Variants in KLK9 observed in about 807,000 individuals in gnomAD.
KLK9 encodes the protein kallikrein related peptidase 9, also known as kallikrein-9.
In KLK9, 26 loss-of-function variants were observed where a neutral mutation model predicts 23.3. The ratio of observed to expected loss-of-function variants is 1.12; its 90% CI spans 0.82 to 1.55. KLK9 has a LOEUF of 1.55. KLK9 is among the 40% of genes most tolerant of loss of function. The pLI, the probability that KLK9 is intolerant of heterozygous loss-of-function variation, is 0.00. For synonymous variants in KLK9, 122 were observed against 128.5 expected (o/e 0.95, Z 0.34); for missense variants, 346 against 333.7 (o/e 1.04, Z -0.29).
chr19:51,006,027 G>A lies in KLK9; in HGVS notation c.466+431C>T, dbSNP rs752453188. Among the ~76,000 whole-genome samples the A allele has an allele frequency of 9.2e-5, 14 of 151,768 alleles. No individual in the cohort carries two copies. The highest frequency in any genetic ancestry group is 1.6e-4 in the Non-Finnish European group (11 of 67,890). On this transcript the variant is annotated intron_variant, in intron 3 of 4. Coordinates refer to ENST00000594211, the MANE Select transcript of KLK9 (RefSeq NM_012315.2). This position sits in a 1 kb window ranked among gnomAD's most constrained non-coding sequence, Gnocchi z 4.1. ...TAATCCCAGCTACTTGGGAGGTTGA[G>A]GCGAGAGGATCACTTGAGCCCAGGA...
At chr19:51,004,329 A>T (rs2091247252) in intron 3 of KLK9, among the ~76,000 whole-genome samples, 1 of 104,396 alleles carries the variant, frequency 9.6e-6, no homozygotes, top group Non-Finnish European at 1.8e-5. Flanking sequence ...ACAGAGCAAG[A>T]CTCCGTCTCA....
At position 51,009,053 on chromosome 19, in the gene KLK9, T is replaced by C; in HGVS notation, c.200+130A>G. On this transcript the variant is annotated intron_variant, in intron 2 of 4. Transcript: ENST00000594211. The surrounding 1 kb of genome is among the most constrained non-coding windows in gnomAD (Gnocchi z 4.8). ...ATTTTAGGATTTGGGAGGCTACCCTTCCTACTTCTAAGAGTTGAACTTGTG... is the reference window on the plus strand; with the variant it reads ...ATTTTAGGATTTGGGAGGCTACCCTCCCTACTTCTAAGAGTTGAACTTGTG... The C allele has an allele frequency of 9.6e-7, 1 of 1,046,214 alleles. No homozygotes were observed. The highest frequency in any genetic ancestry group is 1.3e-6 in the Non-Finnish European group (1 of 751,774). The allele number at this position is 1,046,214 out of a possible 1,614,324, so 64.8% of individuals were successfully genotyped here.
At position 51,003,233 on chromosome 19, in the gene KLK9, T is replaced by G; in HGVS notation, c.631A>C (p.Asn211His). ...GACACCACGCCTGCCAAGGTTCCATTGCAAACCAGGGGGCCCCCAGAGTCA... is the reference window on the plus strand; with the variant it reads ...GACACCACGCCTGCCAAGGTTCCATGGCAAACCAGGGGGCCCCCAGAGTCA... The part of the protein sequence containing the change: ...QGDSGGPLVC[N>H]GTLAGVVSGG... Residue 211 changes from asparagine to histidine, a missense_variant, in exon 5 of 5, where the codon AAT becomes CAT. Asn to His is a moderately conservative substitution (Grantham distance 68). Coordinates refer to ENST00000594211, the MANE Select transcript of KLK9 (RefSeq NM_012315.2). 1 of 1,612,968 alleles carries G rather than the reference T, an allele frequency of 6.2e-7. No homozygotes were observed. Among genetic ancestry groups the G allele is most frequent in the Non-Finnish European group, 8.5e-7 (1 of 1,179,642 alleles).
Position 51,009,417 on chromosome 19 carries a change from AG to A in KLK9, c.44-79del, listed in dbSNP as rs1383218172. 216 of 1,550,134 alleles carry A rather than the reference AG, an allele frequency of 1.4e-4. No individual in the cohort carries two copies. The highest frequency in any genetic ancestry group is 1.5e-4 in the Non-Finnish European group (168 of 1,146,840). On this transcript the variant is annotated intron_variant, in intron 1 of 4. Transcript: ENST00000594211. This position sits in a 1 kb window ranked among gnomAD's most constrained non-coding sequence, Gnocchi z 4.8. ...AGGGAGAGGATGCTGAGAAGCCTAG[AG>A]GGCAGGAGGCAGAAGCCTGGGATGG...
At chr19:51,003,298 C>G in intron 4 of KLK9, 38 bp from the exon 5 acceptor site, 4 of 1,592,260 alleles carry the variant, frequency 2.5e-6, no homozygotes, top group Non-Finnish European at 3.4e-6. Flanking sequence ...TGTTAGGCCA[C>G]TCTGTTCATG....
At position 51,009,165 on chromosome 19, in the gene KLK9, C is replaced by G. The variant is rs1452097659; in HGVS notation, c.200+18G>C. 8.1e-6 allele frequency: 13 copies of G among 1,601,680 alleles called. No individual in the cohort carries two copies. The highest frequency in any genetic ancestry group is 1.1e-5 in the Non-Finnish European group (13 of 1,176,706). ...CAGCCTCTGTCCCTCCCCAGCATGG[C>G]CAGCCTGGGTCACTCACGGCTTGCG... On this transcript the variant is annotated intron_variant, in intron 2 of 4. Transcript: ENST00000594211. The surrounding 1 kb of genome is among the most constrained non-coding windows in gnomAD (Gnocchi z 4.8).
intron 2 of KLK9, among the ~76,000 whole-genome samples, chr19:51,008,354 AAAAAAAAG>A (rs1449623858): frequency 6.6e-6 from 1 of 150,836 alleles, no homozygotes; most frequent in African/African-American, 2.4e-5. Flanking sequence ...AAAAAAAAAA[AAAAAAAAG>A]AAAGACTAGA....
In KLK9 at chr19:51,006,029, C is replaced by A. The variant is rs2091254278; in HGVS notation, c.466+429G>T. 6.6e-6 allele frequency among the ~76,000 whole-genome samples: 1 copy of A among 151,610 alleles called. No individual in the cohort carries two copies. The highest frequency in any genetic ancestry group is 3.4e-3 in the Middle Eastern group (1 of 292). ...ATCCCAGCTACTTGGGAGGTTGAGG[C>A]GAGAGGATCACTTGAGCCCAGGAGT... On this transcript the variant is annotated intron_variant, in intron 3 of 4. Coordinates refer to ENST00000594211, the MANE Select transcript of KLK9 (RefSeq NM_012315.2). This position sits in a 1 kb window ranked among gnomAD's most constrained non-coding sequence, Gnocchi z 4.1.
At chr19:51,007,237 T>G (rs2122364987) in intron 2 of KLK9, among the ~76,000 whole-genome samples, 1 of 152,018 alleles carries the variant, frequency 6.6e-6, no homozygotes, top group Admixed American at 6.6e-5. Context: ...TGGCCTCAGC[T>G]TTTCCTGTCT....
chr19:51,005,118 C>A (rs912337229), intron 3 of KLK9, among the ~76,000 whole-genome samples: 7 of 152,182 alleles, frequency 4.6e-5, no homozygotes, highest in Non-Finnish European at 5.9e-5. Context: ...ATCCAGAAAC[C>A]TGGCTTTTGT....
At position 51,006,965 on chromosome 19, in the gene KLK9, A is replaced by C. The variant is rs1487658798; in HGVS notation, c.201-242T>G. 6.6e-6 allele frequency among the ~76,000 whole-genome samples: 1 copy of C among 151,680 alleles called. No individual in the cohort carries two copies. Among genetic ancestry groups the C allele is most frequent in the African/African-American group, 2.4e-5 (1 of 41,336 alleles). On this transcript the variant is annotated intron_variant, in intron 2 of 4. Transcript: ENST00000594211. This position sits in a 1 kb window ranked among gnomAD's most constrained non-coding sequence, Gnocchi z 4.1. Reference sequence around the variant, plus strand: ...TCTCCATCTTTGTAGCTCTCCCCACAAAGCCCCCGCTCCTAGTCCCAGGCT... The same window carrying C: ...TCTCCATCTTTGTAGCTCTCCCCACCAAGCCCCCGCTCCTAGTCCCAGGCT...
chr19:51,008,792 T>A (rs1278857370), intron 2 of KLK9, among the ~76,000 whole-genome samples: 1 of 152,182 alleles, frequency 6.6e-6, no homozygotes, highest in African/African-American at 2.4e-5. Context: ...ACCAGAAATT[T>A]AAACTTACAC....
In KLK9 at chr19:51,009,051, C is replaced by T; in HGVS notation, c.200+132G>A. The stretch of plus-strand genomic sequence containing the variant: ...GAATTTTAGGATTTGGGAGGCTACC[C>T]TTCCTACTTCTAAGAGTTGAACTTG... On this transcript the variant is annotated intron_variant, in intron 2 of 4. Transcript: ENST00000594211. The surrounding 1 kb of genome is among the most constrained non-coding windows in gnomAD (Gnocchi z 4.8). The T allele has an allele frequency of 9.7e-7, 1 of 1,029,172 alleles. No homozygotes were observed. The highest frequency in any genetic ancestry group is 1.7e-5 in the South Asian group (1 of 57,652). The allele number at this position is 1,029,172 out of a possible 1,614,324, so 63.8% of individuals were successfully genotyped here. A position where few individuals can be genotyped will look rare whatever the true frequency, so the allele number is the denominator to read the frequency against.
intron 3 of KLK9, 118 bp from the exon 4 acceptor site, chr19:51,003,958 C>T: frequency 1.3e-6 from 1 of 759,820 alleles, no homozygotes; most frequent in Non-Finnish European, 2.2e-6. Flanking sequence ...ATTTAGGACT[C>T]TCAAAGATAG....
Position 51,009,073 on chromosome 19 carries a change from C to A in KLK9, c.200+110G>T. On this transcript the variant is annotated intron_variant, in intron 2 of 4. Transcript: ENST00000594211. The surrounding 1 kb of genome is among the most constrained non-coding windows in gnomAD (Gnocchi z 4.8). ...ACCCTTCCTACTTCTAAGAGTTGAA[C>A]TTGTGGTATCAGAAGTGGAGGCTCC... The A allele has an allele frequency of 8.1e-7, 1 of 1,234,012 alleles. No individual in the cohort carries two copies. Among genetic ancestry groups the A allele is most frequent in the Non-Finnish European group, 1.1e-6 (1 of 909,846 alleles). The allele number at this position is 1,234,012 out of a possible 1,614,324, so 76.4% of individuals were successfully genotyped here. A position where few individuals can be genotyped will look rare whatever the true frequency, so the allele number is the denominator to read the frequency against.
intron 2 of KLK9, among the ~76,000 whole-genome samples, chr19:51,008,853 G>T (rs1405537154): frequency 6.6e-6 from 1 of 152,184 alleles, no homozygotes; most frequent in Admixed American, 6.5e-5. Flanking sequence ...AGACTGCTAA[G>T]ATTCTAATAG....
In KLK9 at chr19:51,002,990, G is replaced by A; in HGVS notation, c.*121C>T. ...GGGGCGGAGTCTTAGTGTCCAGAGG[G>A]GAGTCAGGGCAGCTGGAGGTCCAGG... On this transcript the variant is annotated 3_prime_UTR_variant, in exon 5 of 5. Transcript: ENST00000594211. 8.2e-7 allele frequency: 1 copy of A among 1,213,512 alleles called. No homozygotes were observed. Among genetic ancestry groups the A allele is most frequent in the East Asian group, 2.4e-5 (1 of 40,902 alleles). The allele number at this position is 1,213,512 out of a possible 1,614,324, so 75.2% of individuals were successfully genotyped here. A position where few individuals can be genotyped will look rare whatever the true frequency, so the allele number is the denominator to read the frequency against.
chr19:51,009,391 CA>C lies in KLK9; in HGVS notation c.44-53del. 1 of 1,543,934 alleles carries C rather than the reference CA, an allele frequency of 6.5e-7. No homozygotes were observed. Among genetic ancestry groups the C allele is most frequent in the Non-Finnish European group, 8.7e-7 (1 of 1,143,472 alleles). On this transcript the variant is annotated intron_variant, in intron 1 of 4. Transcript: ENST00000594211. The surrounding 1 kb of genome is among the most constrained non-coding windows in gnomAD (Gnocchi z 4.8). ...GTCAGCGAAGAGCAGGCTGGGAGGG[CA>C]GGGAGAGGATGCTGAGAAGCCTAGA...
intron 2 of KLK9, among the ~76,000 whole-genome samples, chr19:51,007,434 AG>A (rs1165546616): frequency 6.6e-6 from 1 of 151,772 alleles, no homozygotes; most frequent in African/African-American, 2.4e-5. Context: ...CTGCGAATTC[AG>A]GGTTGGGGAA....
Sources: gnomAD v4.1 joint callset for allele counts (sites outside exome capture counted in the v4.1 genomes callset) on GRCh38, gnomAD v4.1.1 for gene constraint, Gnocchi (gnomAD v3.1) non-coding constraint, MANE v1.5 for transcripts, NCBI Gene and HGNC (gene_info 2026-07-23, HGNC 2026-07-21) for gene names.